The following FNIP2 variants were observed in gnomAD, a reference collection of about 807,000 sequenced individuals.
FNIP2 encodes folliculin interacting protein 2.
Under a neutral mutation model 108.7 loss-of-function variants are expected in FNIP2, and 32 were observed. The ratio of observed to expected loss-of-function variants is 0.29; its 90% CI spans 0.22 to 0.40. The LOEUF is 0.40. Among genes scored for constraint, FNIP2 ranks in the 10% least tolerant of loss-of-function variants. FNIP2 has a pLI of 1.00. For synonymous variants in FNIP2, 480 were observed against 496.7 expected (o/e 0.97, Z 0.45); for missense variants, 1,202 against 1,381.6 (o/e 0.87, Z 2.06).
chr4:158,894,116 A>G (rs1782470576), intron 15 of FNIP2, among the ~76,000 whole-genome samples: 1 of 152,136 alleles, frequency 6.6e-6, no homozygotes, highest in South Asian at 2.1e-4. Flanking sequence ...AGAGGAGTTT[A>G]AAAAGCCCCC....
At chr4:158,854,337 TC>T (rs1779864858) in intron 8 of FNIP2, among the ~76,000 whole-genome samples, 1 of 152,134 alleles carries the variant, frequency 6.6e-6, no homozygotes, top group Non-Finnish European at 1.5e-5. Flanking sequence ...CTCTCTCCTC[TC>T]CCCTATCACC....
At chr4:158,872,631 A>G (rs1374377852) in intron 14 of FNIP2, 12 of 984,902 alleles carry the variant, frequency 1.2e-5, no homozygotes, top group Non-Finnish European at 1.2e-5. Flanking sequence ...AATATATCCA[A>G]TTAGCATTAG....
intron 1 of FNIP2, among the ~76,000 whole-genome samples, chr4:158,813,599 T>G (rs1359020341): frequency 1.3e-5 from 2 of 152,274 alleles, no homozygotes; most frequent in East Asian, 1.9e-4. Context: ...ATATATTTTT[T>G]GGGAATATTT....
At chr4:158,889,845 C>T in intron 14 of FNIP2, 1 of 983,910 alleles carries the variant, frequency 1.0e-6, no homozygotes, top group Non-Finnish European at 1.2e-6. Flanking sequence ...TCATTGATGG[C>T]AAGTCGTCAT....
intron 1 of FNIP2, among the ~76,000 whole-genome samples, chr4:158,801,840 C>T (rs1776773854): frequency 6.6e-6 from 1 of 152,112 alleles, no homozygotes; most frequent in Non-Finnish European, 1.5e-5. Context: ...GAACTGGTAT[C>T]GTGAGGATGG....
At chr4:158,883,561 G>A (rs1000071252) in intron 14 of FNIP2, among the ~76,000 whole-genome samples, 1 of 152,140 alleles carries the variant, frequency 6.6e-6, no homozygotes, top group African/African-American at 2.4e-5. Flanking sequence ...TTTTAAAGAG[G>A]CTTCCCAGTG....
intron 1 of FNIP2, among the ~76,000 whole-genome samples, chr4:158,808,102 A>G (rs1300995963): frequency 1.3e-5 from 2 of 152,134 alleles, no homozygotes; most frequent in East Asian, 1.9e-4. Flanking sequence ...CTCAACTGTT[A>G]AACTATGTAA....
At chr4:158,791,699 G>A (rs1463353744) in intron 1 of FNIP2, among the ~76,000 whole-genome samples, 4 of 152,190 alleles carry the variant, frequency 2.6e-5, no homozygotes, top group African/African-American at 9.7e-5. Flanking sequence ...GGCCAAAACA[G>A]AGGATAATGC....
At chr4:158,833,773 G>T in intron 6 of FNIP2, 145 bp downstream of exon 6, 1 of 1,473,798 alleles carries the variant, frequency 6.8e-7, no homozygotes, top group Non-Finnish European at 9.1e-7. Context: ...TACTTTGTTT[G>T]CCCTCTTCTA....
chr4:158,804,571 C>G (rs1472300860), intron 1 of FNIP2, among the ~76,000 whole-genome samples: 3 of 152,046 alleles, frequency 2.0e-5, no homozygotes, highest in African/African-American at 7.2e-5. Flanking sequence ...TGCCACTACT[C>G]CTGGCTCATT....
intron 1 of FNIP2, among the ~76,000 whole-genome samples, chr4:158,780,482 A>G (rs569771844): frequency 1.6e-3 from 250 of 152,314 alleles, no homozygotes; most frequent in Non-Finnish European, 2.5e-3. Context: ...TACTTAAATC[A>G]TTTCACGCAT....
At chr4:158,844,602 G>C (rs904379982) in intron 7 of FNIP2, among the ~76,000 whole-genome samples, 49 of 152,184 alleles carry the variant, frequency 3.2e-4, no homozygotes, top group African/African-American at 1.1e-3. Context: ...ATGAGTGTAA[G>C]TCTCTTAAGG....
At chr4:158,785,306 G>C (rs965474495) in intron 1 of FNIP2, among the ~76,000 whole-genome samples, 2 of 151,866 alleles carry the variant, frequency 1.3e-5, no homozygotes, top group Non-Finnish European at 2.9e-5. Context: ...GGATGGTCGC[G>C]ATCTCTTGAC....
At chr4:158,876,866 A>G (rs2126730157) in intron 14 of FNIP2, among the ~76,000 whole-genome samples, 1 of 152,324 alleles carries the variant, frequency 6.6e-6, no homozygotes, top group Admixed American at 6.5e-5. Flanking sequence ...AGATGTTTAG[A>G]CATGCCTGCA....
chr4:158,883,222 TTGTG>T (rs898886063), intron 14 of FNIP2, among the ~76,000 whole-genome samples: 3 of 150,954 alleles, frequency 2.0e-5, no homozygotes, highest in African/African-American at 7.3e-5. Flanking sequence ...CCTGTTCCCT[TTGTG>T]TGTGTGTGTG....
chr4:158,810,804 C>G (rs1777228293), intron 1 of FNIP2, among the ~76,000 whole-genome samples: 1 of 152,180 alleles, frequency 6.6e-6, no homozygotes, highest in African/African-American at 2.4e-5. Flanking sequence ...TAATCCAGCT[C>G]TGGAGTCTGC....
intron 14 of FNIP2, among the ~76,000 whole-genome samples, chr4:158,886,666 A>G (rs1441672374): frequency 6.6e-6 from 1 of 152,226 alleles, no homozygotes; most frequent in African/African-American, 2.4e-5. Flanking sequence ...TTCAAAATTG[A>G]TTCTCCTTAG....
chr4:158,822,585 A>T (rs531362733), intron 1 of FNIP2, among the ~76,000 whole-genome samples: 45 of 151,202 alleles, frequency 3.0e-4, no homozygotes, highest in Middle Eastern at 3.4e-3. Flanking sequence ...GCAGCCTTGA[A>T]CTCCTAGGCT....
At chr4:158,865,873 C>G (rs1780547114) in intron 12 of FNIP2, among the ~76,000 whole-genome samples, 1 of 152,014 alleles carries the variant, frequency 6.6e-6, no homozygotes, top group African/African-American at 2.4e-5. Flanking sequence ...CTCTATCAGC[C>G]TATAATCTAG....
Sources: allele counts gnomAD v4.1 joint callset (sites outside exome capture counted in the v4.1 genomes callset), GRCh38; gene constraint gnomAD v4.1.1; transcripts MANE v1.5; gene names NCBI Gene and HGNC (gene_info 2026-07-23, HGNC 2026-07-21).